The following WDR7 variants were observed in gnomAD, a reference collection of about 807,000 sequenced individuals.
The protein encoded by WDR7 is WD repeat domain 7.
WDR7 carries 46 observed loss-of-function variants against 169.4 expected under a neutral mutation model. The observed-to-expected ratio is 0.27, with a 90% CI of 0.21 to 0.35. The LOEUF (loss-of-function observed/expected upper bound fraction) is 0.35. Among genes scored for constraint, WDR7 ranks in the 10% least tolerant of loss-of-function variants. The pLI is 1.00. For missense variants in WDR7, 1,534 were observed against 1,859.3 expected, an observed-to-expected ratio of 0.83 and a Z score of 3.22; for synonymous variants, 612 against 666.8, an observed-to-expected ratio of 0.92 and a Z score of 1.27.
chr18:56,685,941 C>G lies in WDR7; in HGVS notation c.521-15C>G, dbSNP rs1474077739. 1 of 1,590,992 alleles carries G rather than the reference C, an allele frequency of 6.3e-7. No homozygotes were observed. Among genetic ancestry groups the G allele is most frequent in the Non-Finnish European group, 8.5e-7 (1 of 1,172,176 alleles). ...TTCGTAACCTGGGCTGCTTTTTTGT[C>G]CCTTCTCATTTTAGAGGACACAGTG... On this transcript the variant is annotated splice_polypyrimidine_tract_variant and intron_variant, in intron 5 of 27. Transcript: ENST00000254442.
rs2048397024 is a variant in WDR7, at chr18:57,028,270, T to A, written c.*1063T>A. 6.6e-6 allele frequency: 1 copy of A among 152,228 alleles called. No homozygotes were observed. Among genetic ancestry groups the A allele is most frequent in the South Asian group, 2.1e-4 (1 of 4,828 alleles). The allele number at this position is 152,228 out of a possible 1,614,324, so 9.4% of individuals were successfully genotyped here. ...GGAAAAGTAATAACTATGGCACAAA[T>A]GTTCAGGAGTGTATATAAAAATATG... On this transcript the variant is annotated 3_prime_UTR_variant, in exon 28 of 28. Transcript: ENST00000254442.
chr18:56,692,432 T>G (rs970493890), intron 9 of WDR7, among the ~76,000 whole-genome samples: 11 of 28,470 alleles, frequency 3.9e-4, no homozygotes, highest in Admixed American at 1.3e-3. Flanking sequence ...GAAAGCAGAG[T>G]TTTTTTTGTT....
chr18:57,024,803 AT>A (rs2048340793), intron 27 of WDR7, among the ~76,000 whole-genome samples: 1 of 128,282 alleles, frequency 7.8e-6, no homozygotes, highest in Non-Finnish European at 1.7e-5. Flanking sequence ...ACATATCCCT[AT>A]TCTCAGACAG....
At chr18:56,897,998 A>T (rs2046352511) in intron 21 of WDR7, among the ~76,000 whole-genome samples, 1 of 151,964 alleles carries the variant, frequency 6.6e-6, no homozygotes, top group African/African-American at 2.4e-5. Context: ...TATAGCAAAG[A>T]TGTTGGTTTT....
At chr18:57,004,112 TCC>T (rs2048022560) in intron 26 of WDR7, among the ~76,000 whole-genome samples, 1 of 151,934 alleles carries the variant, frequency 6.6e-6, no homozygotes, top group South Asian at 2.1e-4. Flanking sequence ...TACACAGTAA[TCC>T]CATAATTTAA....
At position 56,662,689 on chromosome 18, in the gene WDR7, G is replaced by T. The variant is rs570673775; in HGVS notation, c.-19-9808G>T. Among the ~76,000 whole-genome samples, 16 of 152,182 alleles carry T rather than the reference G, an allele frequency of 1.1e-4. No homozygotes were observed. The South Asian group carries it at 3.1e-3, about 30-fold the overall frequency. ...AGTAAAAACAGGTGATGGAGGAACAGGTGTAGTAAAAACAGGTGATGGAGG... is the reference window on the plus strand; with the variant it reads ...AGTAAAAACAGGTGATGGAGGAACATGTGTAGTAAAAACAGGTGATGGAGG... On this transcript the variant is annotated intron_variant, in intron 1 of 27. Coordinates refer to ENST00000254442, the MANE Select transcript of WDR7 (RefSeq NM_015285.3).
Position 56,935,923 on chromosome 18 carries a change from G to A in WDR7, c.3831+18G>A, listed in dbSNP as rs1485460775. 1 of 1,597,548 alleles carries A rather than the reference G, an allele frequency of 6.3e-7. No individual in the cohort carries two copies. ...CCAAAGAGGTGAGCGGAACTTCTCA[G>A]TGTGCTCCATCTTCTCATTTAGAGG... On this transcript the variant is annotated intron_variant, in intron 23 of 27. Coordinates refer to ENST00000254442, the MANE Select transcript of WDR7 (RefSeq NM_015285.3).
intron 20 of WDR7, among the ~76,000 whole-genome samples, chr18:56,843,857 C>CTTTTTTTTTTTTTTTTTTTTTTTTTT (rs776575088): frequency 7.4e-6 from 1 of 134,330 alleles, no homozygotes. Flanking sequence ...TTTTTTCTTT[C>CTTTTTTTTTTTTTTTTTTTTTTTTTT]TTTTTTTTTT....
chr18:56,769,901 C>T (rs190583526), intron 16 of WDR7, among the ~76,000 whole-genome samples: 2 of 151,984 alleles, frequency 1.3e-5, no homozygotes, highest in Non-Finnish European at 2.9e-5. Context: ...TAAAATTTGG[C>T]GGATTTGACT....
chr18:57,020,752 A>G lies in WDR7; in HGVS notation c.4172A>G (p.His1391Arg), dbSNP rs148978644. 1.3e-5 allele frequency: 21 copies of G among 1,614,142 alleles called. No individual in the cohort carries two copies. Among genetic ancestry groups the G allele is most frequent in the African/African-American group, 9.3e-5 (7 of 75,062 alleles). The part of the protein sequence containing the change: ...DIRTGKCQTI[H>R]GHKGPITAVA... ...ATCTGAATTTTATTTTAGACAATCC[A>G]TGGACACAAGGGACCAATCACTGCA... Residue 1391 changes from histidine (H) to arginine (R), a missense_variant, in exon 27 of 28, where the codon CAT becomes CGT. Physicochemically the swap from His to Arg is conservative, Grantham distance 29 (BLOSUM62 0). Transcript: ENST00000254442.
chr18:56,870,161 A>G (rs7233539), intron 20 of WDR7, among the ~76,000 whole-genome samples: 10,070 of 152,202 alleles, frequency 0.066, 1,146 homozygotes, highest in African/African-American at 0.23. Flanking sequence ...TTAAAGCCAA[A>G]GTGTTTTAAA....
intron 14 of WDR7, among the ~76,000 whole-genome samples, chr18:56,746,994 C>A (rs1599011883): frequency 6.6e-6 from 1 of 152,154 alleles, no homozygotes; most frequent in African/African-American, 2.4e-5. Context: ...CAAAGAGCTT[C>A]TCAGAGGACC....
rs12327050 is a variant in WDR7, at chr18:57,002,719, G to C, written c.4165-18026G>C. Among the ~76,000 whole-genome samples, 1,303 of 152,184 alleles carry C rather than the reference G, an allele frequency of 8.6e-3. 16 individuals carry two copies. Among genetic ancestry groups the C allele is most frequent in the African/African-American group, 0.03 (1,234 of 41,518 alleles). ...TGCAGCTGTCAGCTCATTTTTTCTG[G>C]ATTAAGTTTGGTCAAGAAAGAAACC... On this transcript the variant is annotated intron_variant, in intron 26 of 27. Coordinates refer to ENST00000254442, the MANE Select transcript of WDR7 (RefSeq NM_015285.3).
At chr18:56,718,240 G>A (rs546348379) in intron 13 of WDR7, 81 bp downstream of exon 13, 724 of 1,337,364 alleles carry the variant, frequency 5.4e-4, no homozygotes, top group Non-Finnish European at 7.0e-4. Flanking sequence ...TCTTTTATAT[G>A]AAGAAAAAAG....
rs1280218432 is a variant in WDR7, at chr18:57,029,029, C to G, written c.*1822C>G. The G allele has an allele frequency of 1.3e-5, 2 of 152,620 alleles. No homozygotes were observed. The highest frequency in any genetic ancestry group is 2.9e-5 in the Non-Finnish European group (2 of 68,040). The allele number at this position is 152,620 out of a possible 1,614,324, so 9.5% of individuals were successfully genotyped here. A position where few individuals can be genotyped will look rare whatever the true frequency, so the allele number is the denominator to read the frequency against. On this transcript the variant is annotated 3_prime_UTR_variant, in exon 28 of 28. Transcript: ENST00000254442. ...TTTTCCAGTGGGTCCAGAGTCTTCT[C>G]TATACCCAACATATGTTTACTTTAT...
intron 20 of WDR7, among the ~76,000 whole-genome samples, chr18:56,867,145 C>T (rs553185877): frequency 1.3e-5 from 2 of 152,250 alleles, no homozygotes; most frequent in East Asian, 3.9e-4. Flanking sequence ...CCATCTCAGC[C>T]TCCTGAGCAG....
At chr18:56,852,005 C>A (rs947059725) in intron 20 of WDR7, among the ~76,000 whole-genome samples, 1 of 152,100 alleles carries the variant, frequency 6.6e-6, no homozygotes, top group African/African-American at 2.4e-5. Context: ...GAGAAAATGA[C>A]CCTCTGGCTT....
chr18:56,837,883 C>T (rs943909919), intron 20 of WDR7, among the ~76,000 whole-genome samples: 1 of 152,138 alleles, frequency 6.6e-6, no homozygotes, highest in African/African-American at 2.4e-5. Context: ...TGGTCTTGAA[C>T]TTCTGACTTC....
chr18:57,015,138 G>T (rs2048189044), intron 26 of WDR7, among the ~76,000 whole-genome samples: 1 of 152,226 alleles, frequency 6.6e-6, no homozygotes, highest in African/African-American at 2.4e-5. Flanking sequence ...ATTTTCATCT[G>T]TCTGACCTGC....
Sources: gnomAD v4.1 joint callset for allele counts (sites outside exome capture counted in the v4.1 genomes callset) on GRCh38, gnomAD v4.1.1 for gene constraint, MANE v1.5 for transcripts, NCBI Gene and HGNC (gene_info 2026-07-23, HGNC 2026-07-21) for gene names.